Variants in COL12A1 observed in about 807,000 individuals in gnomAD.
COL12A1 encodes the protein collagen type XII alpha 1 chain, also known as collagen alpha-1(XII) chain.
COL12A1 carries 114 observed loss-of-function variants against 349.7 expected under a neutral mutation model. The observed-to-expected ratio is 0.33, with a 90% confidence interval of 0.28 to 0.38. The LOEUF is 0.38. Among genes scored for constraint, COL12A1 ranks in the 10% least tolerant of loss-of-function variants. The probability of loss-of-function intolerance (pLI) is 1.00; values close to 1 mark genes in which losing one functional copy is unlikely to be tolerated. For missense variants in COL12A1, 3,284 were observed against 3,756.9 expected, an observed-to-expected ratio of 0.87 and a Z score of 3.29; for synonymous variants, 1,369 against 1,329.0, an observed-to-expected ratio of 1.03 and a Z score of -0.66.
chr6:75,179,304 A>C (rs139429344), intron 11 of COL12A1, among the ~76,000 whole-genome samples: 1 of 152,324 alleles, frequency 6.6e-6, no homozygotes, highest in African/African-American at 2.4e-5. Flanking sequence ...CTTCTACTCA[A>C]AAACCCTGAG....
At chr6:75,205,146 G>A (rs1470669323) in intron 1 of COL12A1, among the ~76,000 whole-genome samples, 1 of 151,170 alleles carries the variant, frequency 6.6e-6, no homozygotes, top group Non-Finnish European at 1.5e-5. Flanking sequence ...GGAGGGAGTC[G>A]GAGAGGGGAC....
At chr6:75,086,610 A>G in intron 65 of COL12A1, 53 bp from the exon 66 acceptor site, 9 of 1,433,542 alleles carry the variant, frequency 6.3e-6, no homozygotes, top group Non-Finnish European at 8.7e-6. Context: ...TAAGTAAAAA[A>G]TATAAATACA....
intron 14 of COL12A1, among the ~76,000 whole-genome samples, chr6:75,160,853 A>G (rs1255432917): frequency 6.6e-6 from 1 of 152,236 alleles, no homozygotes; most frequent in East Asian, 1.9e-4. Flanking sequence ...TTAAGTTCCT[A>G]CATCATATTT....
chr6:75,139,451 G>A (rs1048677043), intron 27 of COL12A1, among the ~76,000 whole-genome samples: 1 of 152,038 alleles, frequency 6.6e-6, no homozygotes, highest in Admixed American at 6.6e-5. Context: ...TTCATTTATT[G>A]TTCATAATTT....
At position 75,175,045 on chromosome 6, in the gene COL12A1, T is replaced by C. The variant is rs1554186125; in HGVS notation, c.2703A>G (p.Thr901=). 1.9e-6 allele frequency: 3 copies of C among 1,613,992 alleles called. No individual in the cohort carries two copies. The highest frequency in any genetic ancestry group is 2.5e-6 in the Non-Finnish European group (3 of 1,179,962). ...AAATATGATGGTAATTACCTTCAAG[T>C]GTTGTTCCTTCACCAAAGAGGGCGT... ...AGDALFGEGT[T]LEERGSPQDL... is the part of the protein sequence containing the mutation. The change falls in exon 13 of 66, where the codon ACA becomes ACG. Residue 901 remains threonine, a synonymous_variant. Transcript: ENST00000322507.
intron 60 of COL12A1, among the ~76,000 whole-genome samples, chr6:75,092,800 G>C (rs1226179949): frequency 6.6e-6 from 1 of 151,026 alleles, no homozygotes; most frequent in Non-Finnish European, 1.5e-5. Context: ...ATCAGATTTA[G>C]AGGAAAATAA....
At chr6:75,144,784 T>C (rs1215103524) in intron 25 of COL12A1, among the ~76,000 whole-genome samples, 1 of 152,236 alleles carries the variant, frequency 6.6e-6, no homozygotes, top group Non-Finnish European at 1.5e-5. Context: ...GCCCAGTGAC[T>C]GGCATATAAT....
At position 75,151,696 on chromosome 6, in the gene COL12A1, C is replaced by CA. The variant is rs573984760; in HGVS notation, c.4000+170dup. 1.8e-3 allele frequency among the ~76,000 whole-genome samples: 275 copies of CA among 151,322 alleles called. 1 individual carries two copies. Among genetic ancestry groups the CA allele is most frequent in the African/African-American group, 6.1e-3 (251 of 41,190 alleles). The stretch of plus-strand genomic sequence containing the variant: ...TTAAGAAACCATGTAGTTTTGTCCC[C>CA]AAAAAAAGAAGAAAAAAGTGAATTA... On this transcript the variant is annotated intron_variant, in intron 20 of 65. Transcript: ENST00000322507.
intron 38 of COL12A1, among the ~76,000 whole-genome samples, chr6:75,127,809 A>C (rs770174632): frequency 6.6e-6 from 1 of 152,192 alleles, no homozygotes; most frequent in East Asian, 1.9e-4. Flanking sequence ...TTCTATGCAA[A>C]TTGCTTAGTA....
At chr6:75,099,827 T>C (rs907844566) in intron 58 of COL12A1, among the ~76,000 whole-genome samples, 1 of 152,180 alleles carries the variant, frequency 6.6e-6, no homozygotes, top group Non-Finnish European at 1.5e-5. Context: ...AATCTCTGTA[T>C]CTTGTTTCTC....
At chr6:75,127,579 C>G (rs752932901) in intron 38 of COL12A1, among the ~76,000 whole-genome samples, 19 of 152,186 alleles carry the variant, frequency 1.2e-4, no homozygotes, top group Admixed American at 2.6e-4. Context: ...TACCTTTATG[C>G]TAAACTAGTG....
At chr6:75,155,919 T>C (rs1767732655) in intron 15 of COL12A1, 65 bp from the exon 16 acceptor site, 2 of 1,479,320 alleles carry the variant, frequency 1.4e-6, no homozygotes, top group Non-Finnish European at 1.8e-6. Context: ...TTCTTTTTTA[T>C]TAGCCCCACA....
At chr6:75,127,616 T>C (rs1004256472) in intron 38 of COL12A1, among the ~76,000 whole-genome samples, 2 of 152,170 alleles carry the variant, frequency 1.3e-5, no homozygotes, top group African/African-American at 4.8e-5. Context: ...GCACATTAAT[T>C]AGAACATCAG....
chr6:75,159,446 T>C (rs921080238), intron 14 of COL12A1, among the ~76,000 whole-genome samples: 5 of 147,484 alleles, frequency 3.4e-5, no homozygotes, highest in African/African-American at 1.2e-4. Context: ...TATAAAAATA[T>C]ATATTATATA....
intron 64 of COL12A1, among the ~76,000 whole-genome samples, chr6:75,088,483 G>A (rs1247615367): frequency 6.7e-6 from 1 of 150,314 alleles, no homozygotes; most frequent in Non-Finnish European, 1.5e-5. Flanking sequence ...TAGGAAGGGA[G>A]GAAGGAAGGA....
intron 38 of COL12A1, 55 bp from the exon 39 acceptor site, chr6:75,126,525 C>G (rs1340726306): frequency 3.9e-6 from 6 of 1,541,742 alleles, no homozygotes; most frequent in Non-Finnish European, 5.3e-6. Context: ...ACAGGGAGAG[C>G]ACAAAACTTT....
Position 75,091,499 on chromosome 6 carries a change from T to C in COL12A1, c.8676A>G (p.Lys2892=). Residue 2892 remains lysine, a synonymous_variant, in exon 61 of 66, where the codon AAA becomes AAG. Transcript: ENST00000322507. ...RPGPSGLKGE[K]GDRGDIASQN... ...TTTTAAAAATACATACCCTATCACC[T>C]TTTTCTCCTTTCAACCCAGATGGAC... The C allele has an allele frequency of 6.2e-7, 1 of 1,610,642 alleles. No homozygotes were observed.
chr6:75,202,820 G>A lies in COL12A1; in HGVS notation c.-28C>T. On this transcript the variant is annotated 5_prime_UTR_variant, in exon 2 of 66. Coordinates refer to ENST00000322507, the MANE Select transcript of COL12A1 (RefSeq NM_004370.6). ...TTGGCCTCCGAGCTTACAGCGGCAT[G>A]AAGAGATCTGCGGGAGGAAGTAGTG... The A allele has an allele frequency of 6.5e-7, 1 of 1,549,596 alleles. No homozygotes were observed. Among genetic ancestry groups the A allele is most frequent in the Middle Eastern group, 1.7e-4 (1 of 5,988 alleles).
At position 75,125,242 on chromosome 6, in the gene COL12A1, T is replaced by A. The variant is rs1340638559; in HGVS notation, c.6492A>T (p.Gly2164=). Residue 2164 remains glycine, a synonymous_variant, in exon 40 of 66, where the codon GGA becomes GGT. Transcript: ENST00000322507. ...TGTGTAAGGTATATGATGTCATTTC[T>A]CCAACAAAGGCTTCCATGGGCTCAT... ...GSNEPMEAFV[G]EMTSYTLHNL... 10 of 1,609,492 alleles carry A rather than the reference T, an allele frequency of 6.2e-6. No individual in the cohort carries two copies. The highest frequency in any genetic ancestry group is 8.5e-6 in the Non-Finnish European group (10 of 1,177,700).
Sources: gnomAD v4.1 joint callset for allele counts (sites outside exome capture counted in the v4.1 genomes callset) on GRCh38, gnomAD v4.1.1 for gene constraint, MANE v1.5 for transcripts, NCBI Gene and HGNC (gene_info 2026-07-23, HGNC 2026-07-21) for gene names.